The following DPEP1 variants were observed in gnomAD, a reference collection of about 807,000 sequenced individuals.
The protein encoded by DPEP1 is dipeptidase 1, also known as beta-lactamase.
A neutral mutation model predicts 42.3 loss-of-function variants in DPEP1; 50 were observed. The observed-to-expected ratio is 1.18, with a 90% CI of 0.94 to 1.50. The LOEUF (loss-of-function observed/expected upper bound fraction) is 1.50. Among genes scored for constraint, DPEP1 ranks in the 40% most tolerant of loss-of-function variants. The pLI, the probability that DPEP1 is intolerant of heterozygous loss-of-function variation, is 0.00. For missense variants in DPEP1, 663 were observed against 553.0 expected (o/e 1.20, Z -1.99); for synonymous variants, 297 against 234.0 (o/e 1.27, Z -2.46).
At chr16:89,621,225 T>C (rs1430659507) in intron 1 of DPEP1, among the ~76,000 whole-genome samples, 1 of 149,278 alleles carries the variant, frequency 6.7e-6, no homozygotes. Context: ...TCACTGGGAT[T>C]CACTGGGAGG....
At chr16:89,639,078 ACCC>A (rs1317823615), downstream of DPEP1, among the ~76,000 whole-genome samples, 1 of 15,822 alleles carries the variant, frequency 6.3e-5, no homozygotes, top group Non-Finnish European at 1.1e-4. Flanking sequence ...GCACACACAC[ACCC>A]CATTCCTGCA....
At chr16:89,614,551 G>T (rs1182702724) in intron 1 of DPEP1, among the ~76,000 whole-genome samples, 12 of 152,226 alleles carry the variant, frequency 7.9e-5, no homozygotes, top group South Asian at 4.1e-4. Flanking sequence ...TCCCCACACT[G>T]TGGGAGGCCG....
At chr16:89,616,852 G>C (rs1485855936) in intron 1 of DPEP1, 1 of 236,182 alleles carries the variant, frequency 4.2e-6, no homozygotes, top group African/African-American at 2.4e-5. Flanking sequence ...GAAGTGGCCA[G>C]GAAGCAGGCA....
rs1297498479 is a variant in DPEP1 at position 89,638,374 on chromosome 16, C to G, written c.*152C>G. ...TGGGCTTACCTGGGGGGCAGGATGC[C>G]TGGGGACAGTTCAGGACACACACAC... On this transcript the variant is annotated 3_prime_UTR_variant, in exon 11 of 11. Coordinates refer to ENST00000690203, the MANE Select transcript of DPEP1 (RefSeq NM_001389466.1). The G allele has an allele frequency of 1.4e-6, 2 of 1,423,334 alleles. No homozygotes were observed. Among genetic ancestry groups the G allele is most frequent in the East Asian group, 2.5e-5 (1 of 39,298 alleles). 88.2% of individuals were successfully genotyped at this position (1,423,334 alleles called of 1,614,324 possible).
At chr16:89,636,124 T>C in intron 3 of DPEP1, 84 bp downstream of exon 3, 1 of 1,551,064 alleles carries the variant, frequency 6.4e-7, no homozygotes, top group South Asian at 1.2e-5. Context: ...GGACCATCCC[T>C]GTGGTGTTCC....
chr16:89,637,308 C>T lies in DPEP1; in HGVS notation c.696C>T (p.Ile232=). ...ATLQLSRAPV[I]FSHSSAYSVC... ...TGCAGCTGTCCAGAGCCCCGGTCATCTTCAGCCACTCCTCGGCCTACAGCG... is the reference window on the plus strand; with the variant it reads ...TGCAGCTGTCCAGAGCCCCGGTCATTTTCAGCCACTCCTCGGCCTACAGCG... Residue 232 remains isoleucine (I), a synonymous_variant, in exon 7 of 11, where the codon ATC becomes ATT. Coordinates refer to ENST00000690203, the MANE Select transcript of DPEP1 (RefSeq NM_001389466.1). 1 of 1,612,680 alleles carries T rather than the reference C, an allele frequency of 6.2e-7. No homozygotes were observed.
rs56339220 is a variant in DPEP1 at position 89,633,358 on chromosome 16, G to A, written c.105-2550G>A. Among the ~76,000 whole-genome samples the A allele has an allele frequency of 5.3e-3, 807 of 152,332 alleles. 7 individuals carry two copies. Among genetic ancestry groups the A allele is most frequent in the African/African-American group, 0.019 (774 of 41,572 alleles). On this transcript the variant is annotated intron_variant, in intron 2 of 10. Transcript: ENST00000690203. ...TCACACCAGCATCAGGCGTGCGCCC[G>A]CCCATCTGCCCAGGGGTGGGGCCGG...
At chr16:89,640,106 G>A (rs1284947794), downstream of DPEP1, among the ~76,000 whole-genome samples, 1 of 152,196 alleles carries the variant, frequency 6.6e-6, no homozygotes, top group Non-Finnish European at 1.5e-5. Flanking sequence ...CCAGCACCAG[G>A]TCCTCCTAGG....
chr16:89,639,949 A>C (rs1431651631), downstream of DPEP1, among the ~76,000 whole-genome samples: 1 of 152,148 alleles, frequency 6.6e-6, no homozygotes, highest in African/African-American at 2.4e-5. Context: ...TGCTGGGATT[A>C]CAGGCGTGAG....
chr16:89,636,570 C>T lies in DPEP1; in HGVS notation c.408C>T (p.Ser136=), dbSNP rs1340985796. 1 of 1,612,442 alleles carries T rather than the reference C, an allele frequency of 6.2e-7. No individual in the cohort carries two copies. Among genetic ancestry groups the T allele is most frequent in the Admixed American group, 1.7e-5 (1 of 60,026 alleles). Residue 136 remains serine, a synonymous_variant, in exon 5 of 11, where the codon AGC becomes AGT. Transcript: ENST00000690203. ...RQAFREGKVA[S]LIGVEGGHSI... ...CCTTCCGGGAAGGGAAGGTGGCCAG[C>T]CTGATCGGCGTGGAGGGCGGCCACT...
At chr16:89,613,341 G>A (rs2059349341), upstream of DPEP1, 1 of 152,310 alleles carries the variant, frequency 6.6e-6, no homozygotes, top group African/African-American at 2.4e-5. Flanking sequence ...AACACTGCCA[G>A]GACATCTCAG....
intron 2 of DPEP1, 71 bp downstream of exon 2, chr16:89,630,585 G>A: frequency 3.9e-6 from 1 of 255,282 alleles, no homozygotes; most frequent in South Asian, 2.9e-5. Context: ...GCGGGGCTGG[G>A]GGAGCCGGGG....
intron 2 of DPEP1, 57 bp from the exon 3 acceptor site, chr16:89,635,851 A>C: frequency 6.5e-7 from 1 of 1,528,846 alleles, no homozygotes; most frequent in Non-Finnish European, 8.8e-7. Context: ...GGAGCTCGGA[A>C]GCCCCCAGGT....
At chr16:89,622,935 C>G (rs951906050) in intron 1 of DPEP1, among the ~76,000 whole-genome samples, 3 of 151,998 alleles carry the variant, frequency 2.0e-5, no homozygotes, top group Non-Finnish European at 4.4e-5. Flanking sequence ...GGTGTTCCAG[C>G]GAGAGACCAG....
At position 89,637,855 on chromosome 16, in the gene DPEP1, G is replaced by A. The variant is rs762541462; in HGVS notation, c.949G>A (p.Asp317Asn). 2.5e-6 allele frequency: 4 copies of A among 1,612,760 alleles called. No homozygotes were observed. Among genetic ancestry groups the A allele is most frequent in the Admixed American group, 1.7e-5 (1 of 59,998 alleles). Residue 317 changes from aspartate (D) to asparagine (N), a missense_variant, in exon 10 of 11, where the codon GAC becomes AAC. By Grantham distance (23) the Asp-to-Asn change is conservative. Transcript: ENST00000690203. ...ACACAGGGTCCCTGAGGGGCTGGAG[G>A]ACGTCTCCAAGTATCCAGACCTGAT... Reference protein sequence around the residue: ...GVPRVPEGLEDVSKYPDLIAE... With the variant: ...GVPRVPEGLENVSKYPDLIAE...
Position 89,622,227 on chromosome 16 carries a change from A to G in DPEP1, c.-106-8078A>G, listed in dbSNP as rs76438118. The stretch of plus-strand genomic sequence containing the variant: ...AACATTAACTTTCGGGGCCAGGACT[A>G]CTAACCCCAGCTCTCTCCCTAAGCC... On this transcript the variant is annotated intron_variant, in intron 1 of 10. Coordinates refer to ENST00000690203, the MANE Select transcript of DPEP1 (RefSeq NM_001389466.1). Among the ~76,000 whole-genome samples the G allele has an allele frequency of 2.7e-3, 418 of 152,242 alleles. 1 individual carries two copies. Among genetic ancestry groups the G allele is most frequent in the African/African-American group, 9.7e-3 (402 of 41,534 alleles).
At chr16:89,641,434 C>G (rs112757812), downstream of DPEP1, among the ~76,000 whole-genome samples, 217 of 152,318 alleles carry the variant, frequency 1.4e-3, 2 homozygotes, top group African/African-American at 4.6e-3. Flanking sequence ...TCGCTTCTCA[C>G]GGTGCCCCTT....
At chr16:89,637,802 T>C (rs575520739) in intron 9 of DPEP1, 34 bp from the exon 10 acceptor site, 1 of 1,612,548 alleles carries the variant, frequency 6.2e-7, no homozygotes, top group African/African-American at 1.3e-5. Flanking sequence ...TGTGTCCTAG[T>C]GTGGGGGCCC....
At position 89,621,201 on chromosome 16, in the gene DPEP1, C is replaced by T. The variant is rs561326823; in HGVS notation, c.-107+7482C>T. On this transcript the variant is annotated intron_variant, in intron 1 of 10. Coordinates refer to ENST00000690203, the MANE Select transcript of DPEP1 (RefSeq NM_001389466.1). Reference sequence around the variant, plus strand: ...GGGAGCTGGGAGCCTGTTGGGAAGTCCCTGAGAAGTGCTTCACTGGGATTC... The same window carrying T: ...GGGAGCTGGGAGCCTGTTGGGAAGTTCCTGAGAAGTGCTTCACTGGGATTC... Among the ~76,000 whole-genome samples the T allele has an allele frequency of 3.9e-5, 6 of 151,952 alleles. No individual in the cohort carries two copies. In the East Asian group the frequency reaches 5.8e-4, roughly 15 times the overall value.
Sources: allele counts gnomAD v4.1 joint callset (sites outside exome capture counted in the v4.1 genomes callset), GRCh38; gene constraint gnomAD v4.1.1; transcripts MANE v1.5; gene names NCBI Gene and HGNC (gene_info 2026-07-23, HGNC 2026-07-21).